POC1B: variants seen among roughly 807,000 people sequenced by gnomAD.
The protein encoded by POC1B is POC1 centriolar protein homolog B.
In POC1B, 44 loss-of-function variants were observed where a neutral mutation model predicts 60.6. The observed-to-expected ratio is 0.73, with a 90% CI of 0.57 to 0.93. POC1B has a LOEUF of 0.93. Ranked by LOEUF, POC1B falls within the 40% of genes least tolerant of loss-of-function variation. POC1B has a pLI of 0.00. For missense variants in POC1B, 555 were observed against 572.3 expected, an observed-to-expected ratio of 0.97 and a Z score of 0.31; for synonymous variants, 180 against 198.9, an observed-to-expected ratio of 0.90 and a Z score of 0.80.
At chr12:89,458,160 T>C (rs900401484) in intron 10 of POC1B, among the ~76,000 whole-genome samples, 1 of 152,332 alleles carries the variant, frequency 6.6e-6, no homozygotes, top group Admixed American at 6.5e-5. Context: ...GCAATTTTAG[T>C]CTACTGACTA....
chr12:89,404,491 GC>G, the POC1B span, among the ~76,000 whole-genome samples: 1 of 152,204 alleles, frequency 6.6e-6, no homozygotes, highest in Non-Finnish European at 1.5e-5. Flanking sequence ...ATGAAAAATA[GC>G]CAAGTCATGT....
intron 2 of POC1B, chr12:89,501,162 ATTAGCTAAGAC>A (rs1869547670): frequency 7.1e-7 from 1 of 1,409,094 alleles, no homozygotes; most frequent in Non-Finnish European, 1.0e-6. Flanking sequence ...ATCATAATAT[ATTAGCTAAGAC>A]TTTGGCAAAT....
At chr12:89,409,577 AAG>A in the POC1B span, among the ~76,000 whole-genome samples, 1 of 152,220 alleles carries the variant, frequency 6.6e-6, no homozygotes, top group East Asian at 1.9e-4. Context: ...TAAAGAAGAA[AAG>A]AGAGAAGAAT....
chr12:89,420,855 G>T lies in POC1B; in HGVS notation c.*298C>A, dbSNP rs1880499423. On this transcript the variant is annotated 3_prime_UTR_variant, in exon 12 of 12. Coordinates refer to ENST00000313546, the MANE Select transcript of POC1B (RefSeq NM_172240.3). The stretch of plus-strand genomic sequence containing the variant: ...TCCTGGCAGGATTTGGCCTATAAAT[G>T]AAAATGGACATTTAAAATAATATGG... The T allele has an allele frequency of 4.1e-6, 1 of 243,764 alleles. No homozygotes were observed. Among genetic ancestry groups the T allele is most frequent in the African/African-American group, 2.2e-5 (1 of 44,842 alleles). The allele number at this position is 243,764 out of a possible 1,614,324, so 15.1% of individuals were successfully genotyped here.
In POC1B at chr12:89,421,265, A is replaced by G; in HGVS notation, c.1333-8T>C. On this transcript the variant is annotated splice_region_variant and splice_polypyrimidine_tract_variant and intron_variant, in intron 11 of 11. Coordinates refer to ENST00000313546, the MANE Select transcript of POC1B (RefSeq NM_172240.3). ...CTCCAAGATTGAAACAGTCTGCAAA[A>G]AGGAGGATAAAATAATCAATGCCTG... 1.9e-6 allele frequency: 3 copies of G among 1,577,090 alleles called. No homozygotes were observed. The highest frequency in any genetic ancestry group is 1.7e-6 in the Non-Finnish European group (2 of 1,151,998).
chr12:89,457,934 C>T (rs1013402695), intron 10 of POC1B, among the ~76,000 whole-genome samples: 3 of 152,170 alleles, frequency 2.0e-5, no homozygotes, highest in South Asian at 2.1e-4. Context: ...ATATGATCTA[C>T]AATAGATATG....
intron 2 of POC1B, among the ~76,000 whole-genome samples, chr12:89,516,793 G>A (rs1262083581): frequency 2.6e-5 from 4 of 152,090 alleles, no homozygotes; most frequent in Non-Finnish European, 5.9e-5. Context: ...ACCTCTCCCA[G>A]GTCCTGATGT....
At chr12:89,437,647 C>T (rs1467251024) in intron 10 of POC1B, among the ~76,000 whole-genome samples, 1 of 148,960 alleles carries the variant, frequency 6.7e-6, no homozygotes, top group Non-Finnish European at 1.5e-5. Context: ...CCACTAATTA[C>T]CCCCATAGCA....
intron 10 of POC1B, among the ~76,000 whole-genome samples, chr12:89,455,428 C>T (rs568340890): frequency 6.6e-6 from 1 of 152,232 alleles, no homozygotes; most frequent in Non-Finnish European, 1.5e-5. Context: ...ATGATTTCCT[C>T]TGAATACTGC....
At chr12:89,424,482 G>T (rs1880668159) in intron 11 of POC1B, among the ~76,000 whole-genome samples, 2 of 152,088 alleles carry the variant, frequency 1.3e-5, no homozygotes, top group Non-Finnish European at 2.9e-5. Context: ...TATATAACTT[G>T]CTACTGTCCA....
intron 10 of POC1B, among the ~76,000 whole-genome samples, chr12:89,447,196 G>A (rs1175581696): frequency 1.3e-5 from 2 of 151,880 alleles, no homozygotes; most frequent in African/African-American, 4.8e-5. Context: ...TAACTATTTG[G>A]TAAACTTATC....
At position 89,467,600 on chromosome 12, in the gene POC1B, C is replaced by A. The variant is rs778692688; in HGVS notation, c.879+17G>T. 6.3e-7 allele frequency: 1 copy of A among 1,596,648 alleles called. No individual in the cohort carries two copies. Among genetic ancestry groups the A allele is most frequent in the Non-Finnish European group, 8.6e-7 (1 of 1,165,856 alleles). The stretch of plus-strand genomic sequence containing the variant: ...TTACCTTAACCAAATCAAAGAGGAG[C>A]TGAAAGATTTACAAACCTGTGTGTC... On this transcript the variant is annotated intron_variant, in intron 8 of 11. Transcript: ENST00000313546.
Position 89,467,679 on chromosome 12 carries a change from C to T in POC1B, c.817G>A (p.Val273Ile). ...CCTTTTGAAAATGAAACAGTAAAGA[C>T]AGGTCCCTGAGAAATAAAGGGAAAT... Reference protein sequence around the residue: ...IYTLQGHTGPVFTVSFSKGGE... With the variant: ...IYTLQGHTGPIFTVSFSKGGE... The change falls in exon 8 of 12, where the codon GTC becomes ATC. Residue 273 changes from valine (V) to isoleucine (I), a missense_variant. Coordinates refer to ENST00000313546, the MANE Select transcript of POC1B (RefSeq NM_172240.3). 1.9e-6 allele frequency: 3 copies of T among 1,610,208 alleles called. No homozygotes were observed. Among genetic ancestry groups the T allele is most frequent in the South Asian group, 1.1e-5 (1 of 90,766 alleles).
At chr12:89,466,628 G>A in intron 9 of POC1B, 142 bp downstream of exon 9, 3 of 759,048 alleles carry the variant, frequency 4.0e-6, no homozygotes, top group South Asian at 2.5e-5. Context: ...ACACACTATA[G>A]TGAAAACAAC....
intron 10 of POC1B, among the ~76,000 whole-genome samples, chr12:89,459,151 G>A (rs1320492929): frequency 1.3e-5 from 2 of 152,022 alleles, no homozygotes; most frequent in Non-Finnish European, 2.9e-5. Flanking sequence ...AATGTTACCT[G>A]GGTGGCATCT....
intron 7 of POC1B, among the ~76,000 whole-genome samples, chr12:89,468,645 G>A (rs1156588174): frequency 6.8e-6 from 1 of 146,178 alleles, no homozygotes; most frequent in African/African-American, 2.6e-5. Flanking sequence ...TTTTTTCATG[G>A]ATATTTCAAT....
At chr12:89,481,812 C>T (rs1445066530) in intron 4 of POC1B, among the ~76,000 whole-genome samples, 2 of 152,130 alleles carry the variant, frequency 1.3e-5, no homozygotes, top group African/African-American at 2.4e-5. Flanking sequence ...CTCTGACCAG[C>T]CTTTTCTGAA....
At chr12:89,479,832 G>A (rs573812810) in intron 4 of POC1B, among the ~76,000 whole-genome samples, 1 of 152,262 alleles carries the variant, frequency 6.6e-6, no homozygotes, top group Admixed American at 6.5e-5. Context: ...CATGCACTGG[G>A]AGGAAAAGCA....
chr12:89,458,235 C>A (rs1167290373), intron 10 of POC1B, among the ~76,000 whole-genome samples: 1 of 152,188 alleles, frequency 6.6e-6, no homozygotes, highest in Non-Finnish European at 1.5e-5. Flanking sequence ...AGGGGGAAAA[C>A]CTAACTCATC....
Sources: gnomAD v4.1 joint callset for allele counts (sites outside exome capture counted in the v4.1 genomes callset) on GRCh38, gnomAD v4.1.1 for gene constraint, MANE v1.5 for transcripts, NCBI Gene and HGNC (gene_info 2026-07-23, HGNC 2026-07-21) for gene names.